TLK1: variants seen among roughly 807,000 people sequenced by gnomAD.
TLK1 encodes the protein serine/threonine-protein kinase tousled-like 1.
Under a neutral mutation model 105.3 loss-of-function variants are expected in TLK1, and 24 were observed. The observed-to-expected ratio is 0.23, with a 90% CI of 0.17 to 0.32. TLK1 has a LOEUF of 0.32. Ranked by LOEUF, TLK1 falls within the 10% of genes least tolerant of loss-of-function variation. The pLI is 1.00. For missense variants in TLK1, 558 were observed against 910.5 expected, an observed-to-expected ratio of 0.61 and a Z score of 4.98; for synonymous variants, 321 against 310.4, an observed-to-expected ratio of 1.03 and a Z score of -0.36.
chr2:170,998,069 TCTATCTATCTATCTATCTATCTAC>T (rs1183761402), intron 18 of TLK1, among the ~76,000 whole-genome samples: 31 of 79,066 alleles, frequency 3.9e-4, no homozygotes, highest in African/African-American at 8.9e-4. Context: ...TATCTATCTA[TCTATCTATCTATCTATCTATCTAC>T]CTACCTACCT....
intron 1 of TLK1, among the ~76,000 whole-genome samples, chr2:171,144,711 C>T (rs1558966383): frequency 1.3e-5 from 2 of 152,090 alleles, no homozygotes; most frequent in African/African-American, 2.4e-5. Flanking sequence ...ATATTAAAAA[C>T]AGAAAATATG....
chr2:171,074,196 C>G (rs901882236), intron 3 of TLK1, among the ~76,000 whole-genome samples: 1 of 152,122 alleles, frequency 6.6e-6, no homozygotes. Flanking sequence ...CGGCCACATT[C>G]CCCATTTTTT....
rs532898401 is a variant in TLK1, at chr2:171,012,323, T to C, written c.1335-869A>G. ...CCCTATCAGGTAGGTCCTATAACTA[T>C]GTCTGTTTTATAAATGAAGGTACTG... On this transcript the variant is annotated intron_variant, in intron 13 of 20. Transcript: ENST00000431350. Among the ~76,000 whole-genome samples, 26 of 152,300 alleles carry C rather than the reference T, an allele frequency of 1.7e-4. No homozygotes were observed. In the East Asian group the frequency reaches 5.0e-3, roughly 29 times the overall value.
chr2:171,113,667 AGAT>A (rs1236987081), intron 2 of TLK1, among the ~76,000 whole-genome samples: 2 of 152,216 alleles, frequency 1.3e-5, no homozygotes. Flanking sequence ...ATTTTTAAAA[AGAT>A]GATTTAAGAA....
At position 171,117,740 on chromosome 2, in the gene TLK1, T is replaced by C. The variant is rs1690494950; in HGVS notation, c.257A>G (p.Lys86Arg). ...AATAAAGATGAGAATTTTGCTCACT[T>C]TAGCTCCAACACTGCAACTGCCCGT... ...GSTGSCSVGA[K>R]ASTNNESSNH... The change falls in exon 2 of 21, where the codon AAA becomes AGA. Residue 86 changes from lysine to arginine, a missense_variant and splice_region_variant. Lys to Arg is a conservative substitution (Grantham distance 26). Transcript: ENST00000431350. 6.2e-7 allele frequency: 1 copy of C among 1,611,352 alleles called. No individual in the cohort carries two copies. The highest frequency in any genetic ancestry group is 1.3e-5 in the African/African-American group (1 of 74,756).
At chr2:171,126,259 T>A (rs933359175) in intron 1 of TLK1, among the ~76,000 whole-genome samples, 1 of 152,144 alleles carries the variant, frequency 6.6e-6, no homozygotes, top group Non-Finnish European at 1.5e-5. Context: ...TTCAATATGA[T>A]GAAGAAAAAT....
chr2:171,057,226 A>G (rs1479865147), intron 5 of TLK1, among the ~76,000 whole-genome samples: 1 of 152,070 alleles, frequency 6.6e-6, no homozygotes, highest in African/African-American at 2.4e-5. Context: ...GCTGCAGCAA[A>G]GTTCCTCTGG....
chr2:170,999,701 T>C (rs984744239), intron 18 of TLK1, among the ~76,000 whole-genome samples: 1 of 152,208 alleles, frequency 6.6e-6, no homozygotes, highest in Non-Finnish European at 1.5e-5. Context: ...CAGTTGACCC[T>C]TGAACAATAT....
At chr2:171,053,127 AGT>A (rs1490394907) in intron 8 of TLK1, among the ~76,000 whole-genome samples, 1 of 152,204 alleles carries the variant, frequency 6.6e-6, no homozygotes, top group Non-Finnish European at 1.5e-5. Flanking sequence ...GAACTGCAGC[AGT>A]TACTTCATCG....
At chr2:171,029,458 C>T (rs139608825) in intron 11 of TLK1, among the ~76,000 whole-genome samples, 6 of 152,150 alleles carry the variant, frequency 3.9e-5, no homozygotes, top group Middle Eastern at 6.8e-3. Flanking sequence ...AGCAAAACCC[C>T]GTCTCAATCT....
intron 20 of TLK1, chr2:170,994,778 A>C (rs1241403933): frequency 6.4e-6 from 3 of 470,640 alleles, no homozygotes; most frequent in African/African-American, 6.0e-5. Context: ...ATTTTATATA[A>C]ATAGAATTAT....
intron 9 of TLK1, 56 bp from the exon 10 acceptor site, chr2:171,050,006 T>C: frequency 3.7e-6 from 6 of 1,610,932 alleles, no homozygotes; most frequent in Non-Finnish European, 5.1e-6. Context: ...TATAAAAGCA[T>C]ACAAAGCAAA....
At chr2:171,097,820 G>A (rs186990727) in intron 2 of TLK1, among the ~76,000 whole-genome samples, 5 of 152,182 alleles carry the variant, frequency 3.3e-5, no homozygotes, top group African/African-American at 1.2e-4. Flanking sequence ...TGCTACTCGG[G>A]AGGCTCAGGC....
chr2:171,077,488 G>A (rs1688564958), intron 3 of TLK1, among the ~76,000 whole-genome samples: 1 of 152,200 alleles, frequency 6.6e-6, no homozygotes, highest in South Asian at 2.1e-4. Context: ...AATATTTGCT[G>A]TCGCTATTTC....
At chr2:171,229,403 C>T (rs1227404188) in intron 1 of TLK1, among the ~76,000 whole-genome samples, 1 of 152,178 alleles carries the variant, frequency 6.6e-6, no homozygotes, top group Non-Finnish European at 1.5e-5. Flanking sequence ...CTTGCATTCA[C>T]ATATTCAACT....
chr2:171,048,199 TCGG>T (rs1687052009), intron 10 of TLK1, among the ~76,000 whole-genome samples: 1 of 41,884 alleles, frequency 2.4e-5, no homozygotes, highest in Non-Finnish European at 1.0e-4. Context: ...TCCTCCCAAC[TCGG>T]CCTCCCAAAG....
intron 11 of TLK1, among the ~76,000 whole-genome samples, chr2:171,032,577 G>A (rs1686096165): frequency 6.6e-6 from 1 of 152,102 alleles, no homozygotes; most frequent in African/African-American, 2.4e-5. Context: ...ACAAAATATT[G>A]CTAAGGAGTT....
At chr2:171,203,566 C>A (rs1158193391) in intron 1 of TLK1, among the ~76,000 whole-genome samples, 2 of 152,184 alleles carry the variant, frequency 1.3e-5, no homozygotes, top group African/African-American at 4.8e-5. Context: ...CATGTATAAA[C>A]CACATTTTGT....
In TLK1 at chr2:171,049,386, A is replaced by G. The variant is rs74706994; in HGVS notation, c.980+428T>C. Among the ~76,000 whole-genome samples, 210 of 152,330 alleles carry G rather than the reference A, an allele frequency of 1.4e-3. No individual in the cohort carries two copies. The East Asian group carries it at 0.024, about 17-fold the overall frequency. ...TCAGTTATTATATCTGAGGCAAAAG[A>G]GAAGTTTTTTCCCTTAGGAATAGAG... On this transcript the variant is annotated intron_variant, in intron 10 of 20. Coordinates refer to ENST00000431350, the MANE Select transcript of TLK1 (RefSeq NM_012290.5).
Sources: allele counts gnomAD v4.1 joint callset (sites outside exome capture counted in the v4.1 genomes callset), GRCh38; gene constraint gnomAD v4.1.1; transcripts MANE v1.5; gene names NCBI Gene and HGNC (gene_info 2026-07-23, HGNC 2026-07-21).